FRYL: variants seen among roughly 807,000 people sequenced by gnomAD.
FRYL encodes protein furry homolog-like.
FRYL carries 150 observed loss-of-function variants against 351.2 expected under a neutral mutation model. The observed-to-expected ratio is 0.43, with a 90% CI of 0.37 to 0.49. FRYL has a LOEUF of 0.49. Among genes scored for constraint, FRYL ranks in the 20% least tolerant of loss-of-function variants. The pLI is 0.00. For missense variants in FRYL, 3,036 were observed against 3,619.3 expected, an observed-to-expected ratio of 0.84 and a Z score of 4.13; for synonymous variants, 1,153 against 1,257.1, an observed-to-expected ratio of 0.92 and a Z score of 1.75.
intron 3 of FRYL, among the ~76,000 whole-genome samples, chr4:48,674,762 A>T (rs1763300577): frequency 6.6e-6 from 1 of 150,968 alleles, no homozygotes; most frequent in Admixed American, 6.6e-5. Flanking sequence ...AAAAAATAGC[A>T]ACATTATACA....
At chr4:48,516,203 A>G (rs1333528891) in intron 55 of FRYL, among the ~76,000 whole-genome samples, 1 of 152,234 alleles carries the variant, frequency 6.6e-6, no homozygotes, top group East Asian at 1.9e-4. Flanking sequence ...TCATTATCAA[A>G]AAAGACTATA....
Position 48,764,231 on chromosome 4 carries a change from G to A in FRYL, c.-384+15847C>T, listed in dbSNP as rs565978239. Among the ~76,000 whole-genome samples the A allele has an allele frequency of 2.6e-5, 4 of 151,942 alleles. No homozygotes were observed. In the East Asian group the frequency reaches 7.7e-4, roughly 29 times the overall value. On this transcript the variant is annotated intron_variant, in intron 1 of 63. Transcript: ENST00000358350. The stretch of plus-strand genomic sequence containing the variant: ...TAAGTTGCAAGATACAAAATCAACA[G>A]ACACAAATTAATTGAAGCCAGGCAC...
chr4:48,551,068 T>C (rs1193306625), intron 37 of FRYL, among the ~76,000 whole-genome samples: 5 of 124,922 alleles, frequency 4.0e-5, no homozygotes, highest in Admixed American at 1.6e-4. Context: ...TCCATCTCAA[T>C]AAAAAAAAAA....
chr4:48,564,793 A>G, intron 30 of FRYL, 140 bp downstream of exon 30: 1 of 516,718 alleles, frequency 1.9e-6, no homozygotes, highest in Non-Finnish European at 3.5e-6. Context: ...ATCCTATTTA[A>G]CTTTATATAA....
chr4:48,623,093 G>C (rs762842242), intron 5 of FRYL, 33 bp downstream of exon 5: 14 of 1,457,600 alleles, frequency 9.6e-6, no homozygotes, highest in Admixed American at 2.0e-5. Context: ...ACTATTTCCA[G>C]GGGAAAAAAA....
intron 1 of FRYL, among the ~76,000 whole-genome samples, chr4:48,730,734 CTA>C (rs1034131743): frequency 4.1e-4 from 63 of 152,140 alleles, no homozygotes; most frequent in African/African-American, 1.4e-3. Context: ...GAAGGAATCA[CTA>C]AACACTAAAT....
At chr4:48,761,019 G>C (rs1365599745) in intron 1 of FRYL, among the ~76,000 whole-genome samples, 2 of 149,936 alleles carry the variant, frequency 1.3e-5, no homozygotes, top group Non-Finnish European at 3.0e-5. Context: ...GTGTGTGTGT[G>C]TGTGTGTGTG....
chr4:48,599,024 G>GA (rs898024415), intron 13 of FRYL, among the ~76,000 whole-genome samples: 50 of 139,612 alleles, frequency 3.6e-4, no homozygotes, highest in East Asian at 2.5e-3. Context: ...GAAACACTAA[G>GA]AAAAAAAAAA....
chr4:48,681,248 A>G, intron 3 of FRYL: 1 of 315,672 alleles, frequency 3.2e-6, no homozygotes, highest in Non-Finnish European at 5.4e-6. Flanking sequence ...ATATGAATTT[A>G]GGCGGTGCTA....
chr4:48,700,523 C>T (rs866301036), intron 2 of FRYL, among the ~76,000 whole-genome samples: 1 of 152,152 alleles, frequency 6.6e-6, no homozygotes, highest in South Asian at 2.1e-4. Context: ...TAACTTTCAG[C>T]TAGACACAGT....
At position 48,523,097 on chromosome 4, in the gene FRYL, C is replaced by T; in HGVS notation, c.7325G>A (p.Ser2442Asn). Residue 2442 changes from serine (S) to asparagine (N), a missense_variant, in exon 54 of 64, where the codon AGT (serine) becomes AAT (asparagine). By Grantham distance (46) the Ser-to-Asn change is conservative. Transcript: ENST00000358350. ...AACTCCCCAGTTGAAATTGTCCATA[C>T]TTTCACCCTGGAAAAGCAAGACACG... ...DVELEDAEGE[S>N]MDNFNWGVRR... 2 of 1,612,052 alleles carry T rather than the reference C, an allele frequency of 1.2e-6. No individual in the cohort carries two copies. Among genetic ancestry groups the T allele is most frequent in the Non-Finnish European group, 1.7e-6 (2 of 1,178,856 alleles).
At position 48,580,928 on chromosome 4, in the gene FRYL, A is replaced by G. The variant is rs554890688; in HGVS notation, c.2196T>C (p.Asp732=). 2.5e-6 allele frequency: 4 copies of G among 1,600,756 alleles called. No homozygotes were observed. Among genetic ancestry groups the G allele is most frequent in the African/African-American group, 2.7e-5 (2 of 74,512 alleles). Reference sequence around the variant, plus strand: ...TGGATGGGCTTAGCCTGTCCATCACATCTATGGCTAATTCATCATCACCCT... The same window carrying G: ...TGGATGGGCTTAGCCTGTCCATCACGTCTATGGCTAATTCATCATCACCCT... ...IPKGDDELAI[D]VMDRLSPSIL... Residue 732 remains aspartate (D), a synonymous_variant, in exon 22 of 64, where the codon GAT becomes GAC. Transcript: ENST00000358350.
chr4:48,602,653 C>A (rs1745944798), intron 12 of FRYL, among the ~76,000 whole-genome samples: 1 of 151,986 alleles, frequency 6.6e-6, no homozygotes, highest in Non-Finnish European at 1.5e-5. Flanking sequence ...TTTAGAAGGT[C>A]AAATATTTCA....
At chr4:48,621,753 AT>A (rs1750684523) in intron 5 of FRYL, among the ~76,000 whole-genome samples, 1 of 152,142 alleles carries the variant, frequency 6.6e-6, no homozygotes, top group South Asian at 2.1e-4. Flanking sequence ...TTTTCCTGTT[AT>A]TTCATATTCT....
chr4:48,777,824 C>G (rs1776189008), intron 1 of FRYL, among the ~76,000 whole-genome samples: 1 of 151,942 alleles, frequency 6.6e-6, no homozygotes, highest in African/African-American at 2.4e-5. Context: ...ATCCTTATCA[C>G]AGAAATGGAT....
intron 55 of FRYL, among the ~76,000 whole-genome samples, chr4:48,517,563 T>G (rs752451502): frequency 6.6e-6 from 1 of 152,210 alleles, no homozygotes; most frequent in African/African-American, 2.4e-5. Flanking sequence ...GTTACAAAGA[T>G]TTCTTTCCTA....
intron 3 of FRYL, among the ~76,000 whole-genome samples, chr4:48,678,031 T>C (rs2149529664): frequency 6.6e-6 from 1 of 152,326 alleles, no homozygotes; most frequent in Non-Finnish European, 1.5e-5. Context: ...TATGTGTACA[T>C]TGGTATGAAC....
chr4:48,519,332 C>T (rs1215857981), intron 55 of FRYL, among the ~76,000 whole-genome samples: 1 of 152,102 alleles, frequency 6.6e-6, no homozygotes, highest in Non-Finnish European at 1.5e-5. Context: ...TTCACACTGC[C>T]ATCCCTTTCT....
chr4:48,636,470 A>C (rs1467713702), intron 3 of FRYL, among the ~76,000 whole-genome samples: 1 of 152,068 alleles, frequency 6.6e-6, no homozygotes, highest in East Asian at 1.9e-4. Context: ...AATTTTAACA[A>C]AGTAAAAACT....
Sources: gnomAD v4.1 joint callset for allele counts (sites outside exome capture counted in the v4.1 genomes callset) on GRCh38, gnomAD v4.1.1 for gene constraint, MANE v1.5 for transcripts, NCBI Gene and HGNC (gene_info 2026-07-23, HGNC 2026-07-21) for gene names.